The following NTM variants were observed in gnomAD, a reference collection of about 807,000 sequenced individuals.
NTM encodes the protein neurotrimin, also known as IgLON family member 2.
Under a neutral mutation model 42.1 loss-of-function variants are expected in NTM, and 13 were observed. The ratio of observed to expected loss-of-function variants is 0.31; its 90% CI spans 0.20 to 0.49. NTM has a LOEUF of 0.49. Ranked by LOEUF, NTM falls within the 20% of genes least tolerant of loss-of-function variation. The pLI is 0.99. For synonymous variants in NTM, 187 were observed against 179.2 expected (o/e 1.04, Z -0.35); for missense variants, 373 against 452.8 (o/e 0.82, Z 1.60).
intron 1 of NTM, among the ~76,000 whole-genome samples, chr11:131,684,300 C>T (rs1435774182): frequency 3.9e-5 from 6 of 152,172 alleles, no homozygotes; most frequent in Admixed American, 3.9e-4. Flanking sequence ...GAGGATCCTC[C>T]TGGCTGGGTG....
At chr11:131,487,250 C>A (rs981518525) in intron 1 of NTM, among the ~76,000 whole-genome samples, 8 of 152,166 alleles carry the variant, frequency 5.3e-5, no homozygotes, top group Non-Finnish European at 7.3e-5. Context: ...TTGATTCTTG[C>A]TGAACTCTGG....
chr11:131,527,862 A>C (rs896261861), intron 1 of NTM, among the ~76,000 whole-genome samples: 1 of 151,228 alleles, frequency 6.6e-6, no homozygotes, highest in Admixed American at 6.5e-5. Context: ...TTGGAAAGCG[A>C]TAAATCAAAT....
chr11:132,108,076 T>C (rs1566180312), intron 2 of NTM, among the ~76,000 whole-genome samples: 1 of 152,196 alleles, frequency 6.6e-6, no homozygotes, highest in Non-Finnish European at 1.5e-5. Flanking sequence ...ACCTTCCACG[T>C]TGTTGCTCAC....
chr11:132,292,604 A>G (rs1376948897), intron 4 of NTM, among the ~76,000 whole-genome samples: 4 of 151,810 alleles, frequency 2.6e-5, no homozygotes, highest in African/African-American at 9.7e-5. Flanking sequence ...CGGAGAAGCC[A>G]GTTTGTTTTT....
At chr11:131,569,831 A>G (rs1296599162) in intron 1 of NTM, among the ~76,000 whole-genome samples, 1 of 152,062 alleles carries the variant, frequency 6.6e-6, no homozygotes, top group Non-Finnish European at 1.5e-5. Flanking sequence ...TTCTCCCACC[A>G]CAGCTTCCCA....
At chr11:131,473,495 C>T (rs76146102) in intron 1 of NTM, among the ~76,000 whole-genome samples, 7 of 152,112 alleles carry the variant, frequency 4.6e-5, no homozygotes, top group Non-Finnish European at 7.4e-5. Context: ...CAATACCACA[C>T]GTAAAGATAG....
intron 1 of NTM, among the ~76,000 whole-genome samples, chr11:131,383,720 T>C (rs1820758184): frequency 6.6e-6 from 1 of 152,152 alleles, no homozygotes; most frequent in Non-Finnish European, 1.5e-5. Flanking sequence ...AAAGGGTGCA[T>C]TGAAGCGTTG....
intron 1 of NTM, among the ~76,000 whole-genome samples, chr11:131,667,003 C>T (rs2069179175): frequency 6.6e-6 from 1 of 152,146 alleles, no homozygotes; most frequent in Non-Finnish European, 1.5e-5. Context: ...GCCTAGGGGA[C>T]CCTAGCAGAA....
intron 2 of NTM, among the ~76,000 whole-genome samples, chr11:132,125,421 G>A (rs1365000985): frequency 7.1e-6 from 1 of 139,988 alleles, no homozygotes; most frequent in East Asian, 2.3e-4. Context: ...GCTATGTGAT[G>A]TATGTGGTGT....
chr11:131,628,914 C>T (rs578223430), intron 1 of NTM, among the ~76,000 whole-genome samples: 48 of 152,300 alleles, frequency 3.2e-4, no homozygotes, highest in African/African-American at 9.1e-4. Flanking sequence ...GGAGTACAGG[C>T]GGAGAGTGTG....
chr11:131,431,441 C>T (rs1948641565), intron 1 of NTM, among the ~76,000 whole-genome samples: 1 of 152,132 alleles, frequency 6.6e-6, no homozygotes, highest in African/African-American at 2.4e-5. Context: ...AAGCGCATTC[C>T]CAAAATGCCA....
intron 2 of NTM, among the ~76,000 whole-genome samples, chr11:131,958,654 G>A (rs1259000188): frequency 1.3e-5 from 2 of 152,152 alleles, no homozygotes; most frequent in Non-Finnish European, 2.9e-5. Context: ...TGTGTATGTT[G>A]ATGAGTGCAG....
chr11:132,213,928 G>C (rs1176595214), intron 4 of NTM, among the ~76,000 whole-genome samples: 1 of 74,128 alleles, frequency 1.3e-5, no homozygotes, highest in Admixed American at 1.3e-4. Flanking sequence ...TAGAGACGGG[G>C]TTTCACCGTT....
intron 4 of NTM, among the ~76,000 whole-genome samples, chr11:132,247,175 G>A (rs534969012): frequency 2.0e-5 from 3 of 152,276 alleles, no homozygotes; most frequent in East Asian, 3.9e-4. Flanking sequence ...ATCATTGATC[G>A]CCCTGTGGTT....
chr11:132,238,987 G>A (rs1357643826), intron 4 of NTM, among the ~76,000 whole-genome samples: 1 of 152,130 alleles, frequency 6.6e-6, no homozygotes, highest in African/African-American at 2.4e-5. Flanking sequence ...CCATTTTTGA[G>A]GTGGGCAAAC....
chr11:132,335,407 A>G lies in NTM; in HGVS notation c.*261A>G. The G allele has an allele frequency of 2.3e-6, 1 of 427,064 alleles. No individual in the cohort carries two copies. 26.5% of individuals were successfully genotyped at this position (427,064 alleles called of 1,614,324 possible). On this transcript the variant is annotated 3_prime_UTR_variant, in exon 9 of 9. Transcript: ENST00000683400. ...TTCCCAAACGGGAAGAACACAGCAC[A>G]CCCGGCTTGGACCCACTGCAAGCTG...
At chr11:131,759,075 A>C (rs894103092) in intron 1 of NTM, among the ~76,000 whole-genome samples, 1 of 152,166 alleles carries the variant, frequency 6.6e-6, no homozygotes, top group African/African-American at 2.4e-5. Flanking sequence ...ACTTCTATGG[A>C]TATTATTTGG....
At chr11:131,404,904 A>ACACAG (rs1945643183) in intron 1 of NTM, among the ~76,000 whole-genome samples, 1 of 152,214 alleles carries the variant, frequency 6.6e-6, no homozygotes. Context: ...ATGATCACAT[A>ACACAG]CACAGCAATG....
intron 1 of NTM, among the ~76,000 whole-genome samples, chr11:131,470,544 G>A (rs1233934052): frequency 1.3e-5 from 2 of 152,212 alleles, no homozygotes; most frequent in East Asian, 3.9e-4. Flanking sequence ...GGTTCTCTGG[G>A]AGAGGAAAGT....
Sources: allele counts gnomAD v4.1 joint callset (sites outside exome capture counted in the v4.1 genomes callset), GRCh38; gene constraint gnomAD v4.1.1; transcripts MANE v1.5; gene names NCBI Gene and HGNC (gene_info 2026-07-23, HGNC 2026-07-21).